Variants in TTC14 observed in about 807,000 individuals in gnomAD.
TTC14 encodes the protein tetratricopeptide repeat protein 14.
Under a neutral mutation model 79.9 loss-of-function variants are expected in TTC14, and 63 were observed. The ratio of observed to expected loss-of-function variants is 0.79; its 90% confidence interval spans 0.64 to 0.97. The LOEUF (loss-of-function observed/expected upper bound fraction) is 0.97, where lower values mean the gene tolerates loss of function less well. TTC14 is among the 50% of genes least tolerant of loss of function. TTC14 has a pLI of 0.00. For synonymous variants in TTC14, 335 were observed against 309.6 expected (o/e 1.08, Z -0.86); for missense variants, 895 against 894.0 (o/e 1.00, Z -0.01).
downstream of TTC14, chr3:180,617,838 G>A (rs1717304388): frequency 5.3e-6 from 1 of 189,166 alleles, no homozygotes; most frequent in Non-Finnish European, 1.1e-5. Context: ...TAGCCTAGGT[G>A]TACATTATTT....
At chr3:180,609,272 A>G (rs2108397191) in intron 11 of TTC14, 1 of 967,686 alleles carries the variant, frequency 1.0e-6, no homozygotes, top group African/African-American at 1.8e-5. Context: ...CCTACCAAGA[A>G]TTATTTGGCT....
rs764442202 is a variant in TTC14 at position 180,609,902 on chromosome 3, T to G, written c.1673T>G (p.Leu558Arg). 2 of 1,613,852 alleles carry G rather than the reference T, an allele frequency of 1.2e-6. No homozygotes were observed. Among genetic ancestry groups the G allele is most frequent in the Non-Finnish European group, 1.7e-6 (2 of 1,179,936 alleles). ...LNHKQEVEKL[L>R]GKQDRLQYEK... Reference sequence around the variant, plus strand: ...CATAAACAAGAAGTGGAGAAACTACTGGGGAAGCAGGATAGGTTACAGTAT... The same window carrying G: ...CATAAACAAGAAGTGGAGAAACTACGGGGGAAGCAGGATAGGTTACAGTAT... The change falls in exon 12 of 12, where the codon CTG becomes CGG. Residue 558 changes from leucine (L) to arginine (R), a missense_variant. By Grantham distance (102) the Leu-to-Arg change is moderately radical (BLOSUM62 -2). Coordinates refer to ENST00000296015, the MANE Select transcript of TTC14 (RefSeq NM_133462.4).
At chr3:180,617,678 G>C in exon 13 of TTC14, 1 of 394,778 alleles carries the variant, frequency 2.5e-6, no homozygotes. Flanking sequence ...GAATATTTTT[G>C]TGCAGTTGAA....
At chr3:180,617,240 G>A in intron 12 of TTC14, 1 of 471,594 alleles carries the variant, frequency 2.1e-6, no homozygotes, top group Non-Finnish European at 3.7e-6. Context: ...GGTGATGGCT[G>A]GTGTAAACAA....
intron 12 of TTC14, chr3:180,616,962 A>G: frequency 2.9e-6 from 4 of 1,361,248 alleles, no homozygotes; most frequent in Non-Finnish European, 3.0e-6. Context: ...TGTATTTTCC[A>G]TGCTCTGTAG....
chr3:180,616,986 A>T (rs1429945767), intron 12 of TTC14: 2 of 1,207,776 alleles, frequency 1.7e-6, no homozygotes, highest in African/African-American at 1.6e-5. Flanking sequence ...AAATATTAAC[A>T]TGTATTTTTT....
chr3:180,615,120 A>G (rs765755368), downstream of TTC14: 3 of 1,432,196 alleles, frequency 2.1e-6, no homozygotes, highest in South Asian at 2.8e-5. Flanking sequence ...CAAAGTTTAT[A>G]TTTTAGTATA....
chr3:180,604,523 C>A lies in TTC14; in HGVS notation c.617C>A (p.Ser206Tyr). 6.2e-7 allele frequency: 1 copy of A among 1,608,102 alleles called. No individual in the cohort carries two copies. Among genetic ancestry groups the A allele is most frequent in the East Asian group, 2.2e-5 (1 of 44,712 alleles). ...AGATACCATGAAAAGCTAGCAGTATCTCTGTATAGCTCTTCTCTTCCACCA... is the reference window on the plus strand; with the variant it reads ...AGATACCATGAAAAGCTAGCAGTATATCTGTATAGCTCTTCTCTTCCACCA... ...IDRYHEKLAV[S>Y]LYSSSLPPHL... Residue 206 changes from serine (S) to tyrosine (Y), a missense_variant, in exon 5 of 12, where the codon TCT becomes TAT. By Grantham distance (144) the Ser-to-Tyr change is moderately radical. Transcript: ENST00000296015.
intron 10 of TTC14, 61 bp downstream of exon 10, chr3:180,607,826 T>G (rs1716777518): frequency 1.3e-6 from 2 of 1,589,818 alleles, no homozygotes; most frequent in African/African-American, 2.7e-5. Context: ...AAACTTAATT[T>G]TCTCCTGAGG....
At chr3:180,607,626 T>G (rs752272203) in intron 9 of TTC14, 22 bp from the exon 10 acceptor site, 1 of 1,593,550 alleles carries the variant, frequency 6.3e-7, no homozygotes, top group East Asian at 2.2e-5. Context: ...ACAAAAAAGC[T>G]AAATCTTTCT....
At chr3:180,616,571 TCAA>T in intron 12 of TTC14, 1 of 1,601,054 alleles carries the variant, frequency 6.2e-7, no homozygotes, top group Non-Finnish European at 8.5e-7. Context: ...TTCTATGATA[TCAA>T]CTAACATTTC....
downstream of TTC14, chr3:180,613,804 T>G (rs1717113724): frequency 2.2e-6 from 1 of 453,646 alleles, no homozygotes; most frequent in Admixed American, 2.4e-5. Flanking sequence ...CCAAAAATTT[T>G]ATTACCTACC....
intron 3 of TTC14, 29 bp downstream of exon 3, chr3:180,603,352 T>A: frequency 6.3e-7 from 1 of 1,590,228 alleles, no homozygotes; most frequent in Non-Finnish European, 8.6e-7. Context: ...TTGGATTGCT[T>A]CTGTTTTTGT....
At chr3:180,604,416 T>C (rs1429544982) in intron 4 of TTC14, 62 bp from the exon 5 acceptor site, 17 of 1,552,010 alleles carry the variant, frequency 1.1e-5, no homozygotes, top group Non-Finnish European at 1.4e-5. Context: ...AAAGTTTATA[T>C]TTTTTATGTT....
chr3:180,604,671 A>G, intron 5 of TTC14, 64 bp downstream of exon 5: 9 of 1,517,800 alleles, frequency 5.9e-6, no homozygotes, highest in Non-Finnish European at 8.9e-7. Flanking sequence ...GAGGAATACC[A>G]CATTTTTATA....
At chr3:180,602,571 G>T (rs1358754526) in intron 1 of TTC14, 149 bp downstream of exon 1, 7 of 1,104,290 alleles carry the variant, frequency 6.3e-6, no homozygotes, top group South Asian at 4.9e-5. Context: ...CTGGGTGGAC[G>T]GGGGGCGCTC....
intron 1 of TTC14, 75 bp downstream of exon 1, chr3:180,602,497 T>C: frequency 6.7e-7 from 1 of 1,490,250 alleles, no homozygotes. Flanking sequence ...AGCCCCGGGT[T>C]TGCGTCTAGA....
chr3:180,612,637 C>A (rs1239891274), downstream of TTC14, among the ~76,000 whole-genome samples: 2 of 151,940 alleles, frequency 1.3e-5, no homozygotes, highest in Non-Finnish European at 2.9e-5. Flanking sequence ...ATAGTCCCAG[C>A]TATGCGGGAG....
In TTC14 at chr3:180,610,950, A is replaced by C. The variant is rs1716970233; in HGVS notation, c.*408A>C. The C allele has an allele frequency of 1.0e-6, 1 of 968,848 alleles. No homozygotes were observed. Among genetic ancestry groups the C allele is most frequent in the South Asian group, 4.8e-5 (1 of 20,754 alleles). 60.0% of individuals were successfully genotyped at this position (968,848 alleles called of 1,614,324 possible). The stretch of plus-strand genomic sequence containing the variant: ...ATTAATTTCATTTTCTTTTCTGTTA[A>C]ATTAAAAATCGTCAGCTTTTGAAAG... On this transcript the variant is annotated 3_prime_UTR_variant, in exon 12 of 12. Coordinates refer to ENST00000296015, the MANE Select transcript of TTC14 (RefSeq NM_133462.4).
Sources: gnomAD v4.1 joint callset for allele counts (sites outside exome capture counted in the v4.1 genomes callset) on GRCh38, gnomAD v4.1.1 for gene constraint, MANE v1.5 for transcripts, NCBI Gene and HGNC (gene_info 2026-07-23, HGNC 2026-07-21) for gene names.